MRPL13: variants seen among roughly 807,000 people sequenced by gnomAD.
MRPL13 encodes the protein large ribosomal subunit protein uL13m.
In MRPL13, 33 loss-of-function variants were observed where a neutral mutation model predicts 29.0. The ratio of observed to expected loss-of-function variants is 1.14; its 90% CI spans 0.86 to 1.52. The LOEUF is 1.52. Ranked by LOEUF, MRPL13 falls within the 40% of genes most tolerant of loss-of-function variation. MRPL13 has a pLI of 0.00. For missense variants in MRPL13, 227 were observed against 216.7 expected (o/e 1.05, Z -0.30); for synonymous variants, 77 against 68.4 (o/e 1.13, Z -0.62).
At chr8:120,443,142 T>A (rs373450841) in intron 2 of MRPL13, 43 bp downstream of exon 2, 2 of 1,436,924 alleles carry the variant, frequency 1.4e-6, no homozygotes, top group Non-Finnish European at 1.8e-6. Flanking sequence ...TATTCTGGCA[T>A]GAAAACTACA....
intron 4 of MRPL13, among the ~76,000 whole-genome samples, 171 bp downstream of exon 4, chr8:120,425,135 T>TA (rs1812917313): frequency 6.6e-6 from 1 of 151,994 alleles, no homozygotes; most frequent in Admixed American, 6.6e-5. Context: ...AGAAAATACA[T>TA]AGAGTTGAAT....
chr8:120,397,000 C>A (rs1410558189), intron 6 of MRPL13, among the ~76,000 whole-genome samples: 1 of 152,178 alleles, frequency 6.6e-6, no homozygotes, highest in Non-Finnish European at 1.5e-5. Flanking sequence ...GACAACTCGA[C>A]CCATGGAGAA....
intron 2 of MRPL13, among the ~76,000 whole-genome samples, chr8:120,433,245 G>A (rs1813016551): frequency 6.6e-6 from 1 of 152,052 alleles, no homozygotes; most frequent in Non-Finnish European, 1.5e-5. Flanking sequence ...TGAGGCAGTT[G>A]GGCGAATGCA....
intron 6 of MRPL13, among the ~76,000 whole-genome samples, chr8:120,412,862 C>G (rs183160245): frequency 6.6e-6 from 1 of 152,088 alleles, no homozygotes; most frequent in African/African-American, 2.4e-5. Flanking sequence ...CCTTAATATA[C>G]CATTTATAAC....
Position 120,419,865 on chromosome 8 carries a change from A to G in MRPL13, c.380T>C (p.Leu127Pro), listed in dbSNP as rs1323806946. ...CCACTGACTTACCTCATCTGGAAAA[A>G]GATGCAACCTTTCCATCATTGTTCT... is the stretch of plus-strand genomic sequence containing the variant. ...HRRTMMERLH[L>P]FPDEYIPEDI... Residue 127 changes from leucine to proline, a missense_variant, in exon 5 of 7, where the codon CTT (leucine) becomes CCT (proline). By Grantham distance (98) the Leu-to-Pro change is moderately conservative. Transcript: ENST00000306185. The G allele has an allele frequency of 6.3e-7, 1 of 1,589,660 alleles. No individual in the cohort carries two copies. Among genetic ancestry groups the G allele is most frequent in the Non-Finnish European group, 8.6e-7 (1 of 1,168,924 alleles).
chr8:120,412,532 A>T (rs1399375959), intron 6 of MRPL13, among the ~76,000 whole-genome samples: 1 of 152,178 alleles, frequency 6.6e-6, no homozygotes, highest in African/African-American at 2.4e-5. Context: ...ATGAAAGATG[A>T]CTTACTTAAG....
chr8:120,422,767 G>A (rs964073810), intron 4 of MRPL13, among the ~76,000 whole-genome samples: 3 of 151,512 alleles, frequency 2.0e-5, no homozygotes, highest in Admixed American at 2.0e-4. Flanking sequence ...CTTCTTGTGG[G>A]GATCAAAATC....
intron 3 of MRPL13, 43 bp from the exon 4 acceptor site, chr8:120,425,409 T>C (rs2130473330): frequency 7.6e-7 from 1 of 1,316,992 alleles, no homozygotes. Flanking sequence ...CATAGGCTGA[T>C]ACTGTATTCT....
Position 120,425,238 on chromosome 8 carries a change from G to T in MRPL13, c.306+68C>A, listed in dbSNP as rs1040919315. ...TAACTATATTAAAATAATGAGAAGGGAGACTGACAAAACAGTATCTGAATT... is the reference window on the plus strand; with the variant it reads ...TAACTATATTAAAATAATGAGAAGGTAGACTGACAAAACAGTATCTGAATT... On this transcript the variant is annotated intron_variant, in intron 4 of 6. Transcript: ENST00000306185. 2.3e-5 allele frequency: 28 copies of T among 1,199,170 alleles called. No individual in the cohort carries two copies. In the African/African-American group the frequency reaches 4.3e-4, roughly 18 times the overall value. The allele number at this position is 1,199,170 out of a possible 1,614,324, so 74.3% of individuals were successfully genotyped here.
chr8:120,409,759 G>A (rs1812720784), intron 6 of MRPL13, among the ~76,000 whole-genome samples: 3 of 151,912 alleles, frequency 2.0e-5, no homozygotes, highest in Admixed American at 2.0e-4. Context: ...TGAGATGAAT[G>A]GGCAATAGTA....
intron 4 of MRPL13, among the ~76,000 whole-genome samples, chr8:120,423,861 A>G (rs1338155080): frequency 6.6e-6 from 1 of 152,158 alleles, no homozygotes; most frequent in African/African-American, 2.4e-5. Context: ...AGAATGTTCA[A>G]TTGGAAGAGT....
At chr8:120,441,023 G>C (rs1813117628) in intron 2 of MRPL13, among the ~76,000 whole-genome samples, 2 of 152,000 alleles carry the variant, frequency 1.3e-5, no homozygotes, top group Admixed American at 1.3e-4. Flanking sequence ...GTGTGTGTGA[G>C]TGTATATATA....
intron 5 of MRPL13, 80 bp downstream of exon 5, chr8:120,419,771 TG>T (rs1812846173): frequency 9.5e-7 from 1 of 1,051,766 alleles, no homozygotes; most frequent in African/African-American, 1.7e-5. Context: ...AAAATAAGTC[TG>T]TGGCATTTAT....
chr8:120,443,077 C>T (rs1813142330), intron 2 of MRPL13, 108 bp downstream of exon 2: 3 of 1,115,936 alleles, frequency 2.7e-6, no homozygotes, highest in Non-Finnish European at 3.6e-6. Flanking sequence ...ACAGGATCCT[C>T]AGGAAAAATA....
intron 3 of MRPL13, among the ~76,000 whole-genome samples, chr8:120,430,509 G>T (rs1180348337): frequency 6.6e-6 from 1 of 152,176 alleles, no homozygotes; most frequent in Non-Finnish European, 1.5e-5. Context: ...AAGTGTAAGT[G>T]AAGAGTCAAC....
intron 6 of MRPL13, among the ~76,000 whole-genome samples, chr8:120,403,159 A>G (rs902152805): frequency 1.3e-5 from 2 of 152,198 alleles, no homozygotes; most frequent in African/African-American, 4.8e-5. Flanking sequence ...TATATACCCA[A>G]AGGAATATAA....
At chr8:120,437,080 T>A (rs1441469705) in intron 2 of MRPL13, among the ~76,000 whole-genome samples, 5 of 152,174 alleles carry the variant, frequency 3.3e-5, no homozygotes, top group African/African-American at 9.6e-5. Flanking sequence ...AGATATAGCC[T>A]GAAGCAAAAA....
chr8:120,432,248 G>T, intron 2 of MRPL13, 125 bp from the exon 3 acceptor site: 1 of 558,206 alleles, frequency 1.8e-6, no homozygotes, highest in East Asian at 3.2e-5. Context: ...GCAAGTTACA[G>T]TGCAACATCA....
intron 6 of MRPL13, 88 bp downstream of exon 6, chr8:120,413,903 C>G: frequency 7.3e-6 from 10 of 1,368,496 alleles, no homozygotes; most frequent in Non-Finnish European, 8.5e-6. Context: ...GTTCACTCTT[C>G]CCGCCCTCAA....
Sources: allele counts gnomAD v4.1 joint callset (sites outside exome capture counted in the v4.1 genomes callset), GRCh38; gene constraint gnomAD v4.1.1; transcripts MANE v1.5; gene names NCBI Gene and HGNC (gene_info 2026-07-23, HGNC 2026-07-21).